The following COL4A2 variants were observed in gnomAD, a reference collection of about 807,000 sequenced individuals.
COL4A2 encodes collagen alpha-2(IV) chain.
Under a neutral mutation model 200.2 loss-of-function variants are expected in COL4A2, and 99 were observed. The observed-to-expected ratio is 0.49, with a 90% CI of 0.42 to 0.58. COL4A2 has a LOEUF of 0.58. COL4A2 is among the 20% of genes least tolerant of loss of function. The probability of loss-of-function intolerance (pLI) is 0.00; values close to 1 mark genes in which losing one functional copy is unlikely to be tolerated. For missense variants in COL4A2, 1,950 were observed against 2,314.1 expected, an observed-to-expected ratio of 0.84 and a Z score of 3.23; for synonymous variants, 897 against 900.6, an observed-to-expected ratio of 1.00 and a Z score of 0.07.
chr13:110,316,656 G>A (rs1229825463), intron 3 of COL4A2, among the ~76,000 whole-genome samples: 2 of 152,172 alleles, frequency 1.3e-5, no homozygotes, highest in Admixed American at 1.3e-4. Flanking sequence ...AGCAAATCCT[G>A]TTTGCTGAGC....
chr13:110,509,245 T>TTATATATATATA (rs374846915), intron 47 of COL4A2, among the ~76,000 whole-genome samples: 3,064 of 70,564 alleles, frequency 0.043, 64 homozygotes, highest in Middle Eastern at 0.089. Context: ...ATTTCATAAA[T>TTATATATATATA]TATATATATA....
intron 3 of COL4A2, among the ~76,000 whole-genome samples, chr13:110,344,331 T>G (rs1876605980): frequency 6.6e-6 from 1 of 152,182 alleles, no homozygotes; most frequent in Non-Finnish European, 1.5e-5. Flanking sequence ...CAAATAGCCT[T>G]CATAAAAGAT....
In COL4A2 at chr13:110,419,255, G is replaced by A. The variant is rs1431740093; in HGVS notation, c.181-5479G>A. Among the ~76,000 whole-genome samples, 4 of 152,184 alleles carry A rather than the reference G, an allele frequency of 2.6e-5. No individual in the cohort carries two copies. In the South Asian group the frequency reaches 6.2e-4, roughly 24 times the overall value. On this transcript the variant is annotated intron_variant, in intron 4 of 47. Transcript: ENST00000360467. ...AGGGATTTCCTACTATTCAGATTTCGGCTGGTAAGTCATGAAAAGCTCATT... is the reference window on the plus strand; with the variant it reads ...AGGGATTTCCTACTATTCAGATTTCAGCTGGTAAGTCATGAAAAGCTCATT...
chr13:110,385,685 C>T (rs200017462), intron 4 of COL4A2, among the ~76,000 whole-genome samples: 6 of 32,772 alleles, frequency 1.8e-4, no homozygotes, highest in South Asian at 7.3e-4. Context: ...GTGGATAGGC[C>T]GTGGTTACAG....
Position 110,489,806 on chromosome 13 carries a change from G to A in COL4A2, c.3346+21G>A, listed in dbSNP as rs972544003. ...ACCAGGTACGCAAGTTATTTTCCTT[G>A]TCTTCATCTTCAACAACAGCCCTGA... On this transcript the variant is annotated intron_variant, in intron 36 of 47. Coordinates refer to ENST00000360467, the MANE Select transcript of COL4A2 (RefSeq NM_001846.4). 4 of 1,596,456 alleles carry A rather than the reference G, an allele frequency of 2.5e-6. No homozygotes were observed. In the African/African-American group the frequency reaches 4.1e-5, roughly 16 times the overall value.
chr13:110,395,322 C>T (rs1192535567), intron 4 of COL4A2, among the ~76,000 whole-genome samples: 1 of 152,148 alleles, frequency 6.6e-6, no homozygotes, highest in Admixed American at 6.5e-5. Flanking sequence ...ACTGCCACTG[C>T]CATGTTGTGT....
intron 40 of COL4A2, among the ~76,000 whole-genome samples, chr13:110,496,333 A>T (rs1594109087): frequency 2.6e-5 from 4 of 151,972 alleles, no homozygotes; most frequent in African/African-American, 9.7e-5. Context: ...ATCACATCTC[A>T]CTCTCCAGGA....
chr13:110,369,918 C>T (rs1319611724), intron 4 of COL4A2, among the ~76,000 whole-genome samples: 1 of 152,230 alleles, frequency 6.6e-6, no homozygotes, highest in South Asian at 2.1e-4. Flanking sequence ...CTTTTCCATC[C>T]TAAAGTATTA....
At chr13:110,483,118 C>T (rs560739135) in intron 32 of COL4A2, among the ~76,000 whole-genome samples, 80 of 152,224 alleles carry the variant, frequency 5.3e-4, no homozygotes, top group Admixed American at 2.2e-3. Context: ...AACCCTCACG[C>T]GGACAGGCAT....
chr13:110,363,944 G>A (rs577648342), intron 4 of COL4A2, among the ~76,000 whole-genome samples: 21 of 152,178 alleles, frequency 1.4e-4, no homozygotes, highest in Non-Finnish European at 2.4e-4. Flanking sequence ...CAGGTGAGCC[G>A]CCCGCCTCGG....
At chr13:110,411,102 T>C (rs992768095) in intron 4 of COL4A2, among the ~76,000 whole-genome samples, 13 of 152,198 alleles carry the variant, frequency 8.5e-5, no homozygotes, top group African/African-American at 3.1e-4. Context: ...AGCTCCTATC[T>C]GTGGTCAGCA....
intron 19 of COL4A2, among the ~76,000 whole-genome samples, chr13:110,449,991 C>T (rs946736757): frequency 3.9e-5 from 6 of 152,188 alleles, no homozygotes; most frequent in African/African-American, 1.4e-4. Context: ...AGTAACTCCC[C>T]AACTAGGTTA....
chr13:110,434,687 A>G (rs1275324462), intron 12 of COL4A2, among the ~76,000 whole-genome samples: 2 of 152,228 alleles, frequency 1.3e-5, no homozygotes, highest in Non-Finnish European at 2.9e-5. Context: ...TGACACAGAG[A>G]CATAAGCTCA....
At chr13:110,312,782 A>G (rs1354285785) in intron 3 of COL4A2, among the ~76,000 whole-genome samples, 1 of 152,234 alleles carries the variant, frequency 6.6e-6, no homozygotes, top group Non-Finnish European at 1.5e-5. Context: ...GAATGACACA[A>G]TAGTCTTGAG....
At chr13:110,322,696 G>A (rs80172201) in intron 3 of COL4A2, among the ~76,000 whole-genome samples, 3,565 of 152,258 alleles carry the variant, frequency 0.023, 136 homozygotes, top group African/African-American at 0.082. Context: ...ACAGGGAGCC[G>A]ATGTCCACCT....
At chr13:110,480,125 T>C in intron 30 of COL4A2, 95 bp from the exon 31 acceptor site, 1 of 1,341,742 alleles carries the variant, frequency 7.5e-7, no homozygotes, top group Middle Eastern at 2.8e-4. Flanking sequence ...TCTAAGGAGC[T>C]TTTCTTACTG....
intron 45 of COL4A2, 29 bp from the exon 46 acceptor site, chr13:110,506,386 G>A (rs753201135): frequency 2.2e-5 from 35 of 1,590,670 alleles, no homozygotes; most frequent in East Asian, 1.4e-4. Flanking sequence ...GCACCAGGCC[G>A]TCCACTCTCT....
At chr13:110,367,278 G>A (rs957286681) in intron 4 of COL4A2, among the ~76,000 whole-genome samples, 1 of 152,220 alleles carries the variant, frequency 6.6e-6, no homozygotes, top group Non-Finnish European at 1.5e-5. Context: ...TAAAATGGAA[G>A]TAATTAATGT....
Position 110,509,298 on chromosome 13 carries a change from A to ACAC in COL4A2, c.4881+1079_4881+1080insCCA, listed in dbSNP as rs1566575736. On this transcript the variant is annotated intron_variant, in intron 47 of 47. Coordinates refer to ENST00000360467, the MANE Select transcript of COL4A2 (RefSeq NM_001846.4). ...ACACACACACACACACACACACACA[A>ACAC]CATAAAATATAAATTACATAGTGAT... Among the ~76,000 whole-genome samples the ACAC allele has an allele frequency of 2.7e-3, 327 of 122,618 alleles. 3 individuals carry two copies. Among genetic ancestry groups the ACAC allele is most frequent in the African/African-American group, 9.3e-3 (315 of 33,950 alleles). 80.4% of individuals were successfully genotyped at this position (122,618 alleles called of 152,430 possible). A position where few individuals can be genotyped will look rare whatever the true frequency, so the allele number is the denominator to read the frequency against.
Sources: gnomAD v4.1 joint callset for allele counts (sites outside exome capture counted in the v4.1 genomes callset) on GRCh38, gnomAD v4.1.1 for gene constraint, MANE v1.5 for transcripts, NCBI Gene and HGNC (gene_info 2026-07-23, HGNC 2026-07-21) for gene names.